SOX18: variants seen among roughly 807,000 people sequenced by gnomAD.
SOX18 encodes SRY-box transcription factor 18.
SOX18 carries 2 observed loss-of-function variants against 9.1 expected under a neutral mutation model. The ratio of observed to expected loss-of-function variants is 0.22; its 90% CI spans 0.09 to 0.69. The LOEUF (loss-of-function observed/expected upper bound fraction) is 0.69. SOX18 is among the 30% of genes least tolerant of loss of function. SOX18 has a pLI of 0.80. For missense variants in SOX18, 542 were observed against 567.3 expected, an observed-to-expected ratio of 0.96 and a Z score of 0.45; for synonymous variants, 292 against 280.5, an observed-to-expected ratio of 1.04 and a Z score of -0.41.
Position 64,049,388 on chromosome 20 carries a change from G to T in SOX18, c.129C>A (p.Ala43=), listed in dbSNP as rs1329133071. 8 of 986,814 alleles carry T rather than the reference G, an allele frequency of 8.1e-6. No individual in the cohort carries two copies. The East Asian group carries it at 9.0e-4, about 111-fold the overall frequency. The allele number at this position is 986,814 out of a possible 1,614,324, so 61.1% of individuals were successfully genotyped here. A position where few individuals can be genotyped will look rare whatever the true frequency, so the allele number is the denominator to read the frequency against. Residue 43 remains alanine (A), a synonymous_variant, in exon 1 of 2, where the codon GCC becomes GCA. Coordinates refer to ENST00000340356, the MANE Select transcript of SOX18 (RefSeq NM_018419.3). ...RGLAAGPAAL[A]APAAPASPPS... ...GCGGCGAGGCGGGCGCGGCGGGCGC[G>T]GCGAGGGCGGCGGGGCCGGCGGCGA...
intron 1 of SOX18, 89 bp downstream of exon 1, chr20:64,049,070 G>A (rs1307996906): frequency 4.7e-6 from 5 of 1,069,180 alleles, no homozygotes; most frequent in East Asian, 7.9e-5. Context: ...CCCGCACCCC[G>A]CGGCCCGGGA....
At position 64,048,708 on chromosome 20, in the gene SOX18, C is replaced by A; in HGVS notation, c.613G>T (p.Ala205Ser). The change falls in exon 2 of 2, where the codon GCC (alanine) becomes TCC (serine). Residue 205 changes from alanine to serine, a missense_variant. By Grantham distance (99) the Ala-to-Ser change is moderately conservative (BLOSUM62 1). Transcript: ENST00000340356. ...GGCAGCCCCAGGCCGTCGAACTCGG[C>A]GCCCAGCGGGGGCAGCTCGCGGAAG... Reference protein sequence around the residue: ...RAFRELPPLGAEFDGLGLPTP... With the variant: ...RAFRELPPLGSEFDGLGLPTP... 7.3e-7 allele frequency: 1 copy of A among 1,361,578 alleles called. No homozygotes were observed. Among genetic ancestry groups the A allele is most frequent in the Non-Finnish European group, 9.4e-7 (1 of 1,066,130 alleles). The allele number at this position is 1,361,578 out of a possible 1,614,324, so 84.3% of individuals were successfully genotyped here.
At position 64,049,180 on chromosome 20, in the gene SOX18, C is replaced by T; in HGVS notation, c.337G>A (p.Ala113Thr). ...TCACCCAGCATCTTGCTGAGCACCG[C>T]GTTGTGCAGGTCCGGGTTCTGCTGA... Reference protein sequence around the residue: ...LAQQNPDLHNAVLSKMLGKAW... With the variant: ...LAQQNPDLHNTVLSKMLGKAW... Residue 113 changes from alanine to threonine, a missense_variant, in exon 1 of 2, where the codon GCG becomes ACG. By Grantham distance (58) the Ala-to-Thr change is moderately conservative. Coordinates refer to ENST00000340356, the MANE Select transcript of SOX18 (RefSeq NM_018419.3). 1.3e-6 allele frequency: 2 copies of T among 1,492,168 alleles called. No homozygotes were observed. Among genetic ancestry groups the T allele is most frequent in the Non-Finnish European group, 1.8e-6 (2 of 1,113,042 alleles). The allele number at this position is 1,492,168 out of a possible 1,614,324, so 92.4% of individuals were successfully genotyped here.
chr20:64,048,153 C>A lies in SOX18; in HGVS notation c.*13G>T. On this transcript the variant is annotated 3_prime_UTR_variant, in exon 2 of 2. Transcript: ENST00000340356. ...GGAGGAAGCGCTGCAGGGACCCGGG[C>A]GGCGCCGGCGGCCTAGCCGGAGATG... 1 of 1,537,810 alleles carries A rather than the reference C, an allele frequency of 6.5e-7. No individual in the cohort carries two copies. Among genetic ancestry groups the A allele is most frequent in the East Asian group, 2.4e-5 (1 of 41,204 alleles).
In SOX18 at chr20:64,048,765, G is replaced by C. The variant is rs992415749; in HGVS notation, c.556C>G (p.Pro186Ala). The change falls in exon 2 of 2, where the codon CCT (proline) becomes GCT (alanine). Residue 186 changes from proline to alanine, a missense_variant. Pro to Ala is a conservative substitution (Grantham distance 27). Coordinates refer to ENST00000340356, the MANE Select transcript of SOX18 (RefSeq NM_018419.3). Reference sequence around the variant, plus strand: ...GCCGAGCCAGACGCCGCGGGGAAAGGCTCGGGCGGTGGCTGCGGGGGCGCT... The same window carrying C: ...GCCGAGCCAGACGCCGCGGGGAAAGCCTCGGGCGGTGGCTGCGGGGGCGCT... ...GLAPPQPPPE[P>A]FPAASGSARA... The C allele has an allele frequency of 6.7e-7, 1 of 1,488,528 alleles. No individual in the cohort carries two copies. Among genetic ancestry groups the C allele is most frequent in the African/African-American group, 1.5e-5 (1 of 68,568 alleles). 92.2% of individuals were successfully genotyped at this position (1,488,528 alleles called of 1,614,324 possible).
rs1198995286 is a variant in SOX18, at chr20:64,047,891, G to C, written c.*275C>G. 1 of 545,272 alleles carries C rather than the reference G, an allele frequency of 1.8e-6. No individual in the cohort carries two copies. The highest frequency in any genetic ancestry group is 3.3e-6 in the Non-Finnish European group (1 of 306,790). The allele number at this position is 545,272 out of a possible 1,614,324, so 33.8% of individuals were successfully genotyped here. A position where few individuals can be genotyped will look rare whatever the true frequency, so the allele number is the denominator to read the frequency against. ...TGTAACCCTGGCAACTCTGCCAACA[G>C]GTCCTGGGCTCGGGCTTCCTGGAAA... On this transcript the variant is annotated 3_prime_UTR_variant, in exon 2 of 2. Transcript: ENST00000340356.
rs772645789 is a variant in SOX18, at chr20:64,048,826, G to T, written c.495C>A (p.Ala165=). Residue 165 remains alanine (A), a synonymous_variant, in exon 2 of 2, where the codon GCC becomes GCA. Coordinates refer to ENST00000340356, the MANE Select transcript of SOX18 (RefSeq NM_018419.3). Reference sequence around the variant, plus strand: ...GCAGGAGGCCGGGCTCCAGCCGCCGGGCCTTGCGCGCCTGCTTCTTGCGGC... The same window carrying T: ...GCAGGAGGCCGGGCTCCAGCCGCCGTGCCTTGCGCGCCTGCTTCTTGCGGC... ...RPRRKKQARK[A]RRLEPGLLLP... is the part of the protein sequence containing the mutation. 1 of 1,569,684 alleles carries T rather than the reference G, an allele frequency of 6.4e-7. No individual in the cohort carries two copies. The highest frequency in any genetic ancestry group is 1.1e-5 in the South Asian group (1 of 87,774).
rs1362632008 is a variant in SOX18, at chr20:64,048,346, G to A, written c.975C>T (p.Thr325=). Residue 325 remains threonine, a synonymous_variant, in exon 2 of 2, where the codon ACC becomes ACT. Transcript: ENST00000340356. ...AADLWADVDL[T]EFDQYLNCSR... ...TGCAGTTGAGGTACTGGTCGAACTC[G>A]GTGAGGTCCACGTCGGCCCACAGAT... The A allele has an allele frequency of 2.5e-6, 4 of 1,589,060 alleles. No individual in the cohort carries two copies. Among genetic ancestry groups the A allele is most frequent in the Admixed American group, 3.5e-5 (2 of 57,228 alleles).
intron 1 of SOX18, 94 bp downstream of exon 1, chr20:64,049,065 A>AC: frequency 8.1e-7 from 1 of 1,232,122 alleles, no homozygotes; most frequent in Non-Finnish European, 1.0e-6. Context: ...CAGCCCCCGC[A>AC]CCCCGCGGCC....
Position 64,048,450 on chromosome 20 carries a change from C to G in SOX18, c.871G>C (p.Gly291Arg), listed in dbSNP as rs2059407517. 3 of 1,344,460 alleles carry G rather than the reference C, an allele frequency of 2.2e-6. No individual in the cohort carries two copies. The highest frequency in any genetic ancestry group is 4.0e-5 in the Admixed American group (1 of 24,766). The allele number at this position is 1,344,460 out of a possible 1,614,324, so 83.3% of individuals were successfully genotyped here. ...GLYYGTLGTP[G>R]PYPGPLSPPP... ...GGCGACAGCGGGCCGGGGTACGGGC[C>G]GGGCGTGCCCAGGGTGCCGTAGTAC... is the stretch of plus-strand genomic sequence containing the variant. The change falls in exon 2 of 2, where the codon GGC becomes CGC. Residue 291 changes from glycine to arginine, a missense_variant. Physicochemically the swap from Gly to Arg is moderately radical, Grantham distance 125 (BLOSUM62 -2). Transcript: ENST00000340356.
Position 64,049,635 on chromosome 20 carries a change from G to A in SOX18, c.-119C>T. ...GGGAGGGCGGATGGCGGTGGGGACG[G>A]CGGTGGCCTCGGGCCGGGCGGGCGC... On this transcript the variant is annotated 5_prime_UTR_variant, in exon 1 of 2. Coordinates refer to ENST00000340356, the MANE Select transcript of SOX18 (RefSeq NM_018419.3). 1 of 590,206 alleles carries A rather than the reference G, an allele frequency of 1.7e-6. No homozygotes were observed. The highest frequency in any genetic ancestry group is 7.1e-5 in the South Asian group (1 of 14,168). 36.6% of individuals were successfully genotyped at this position (590,206 alleles called of 1,614,324 possible).
Position 64,048,755 on chromosome 20 carries a change from G to T in SOX18, c.566C>A (p.Ala189Glu). The change falls in exon 2 of 2, where the codon GCG becomes GAG. Residue 189 changes from alanine (A) to glutamate (E), a missense_variant. Physicochemically the swap from Ala to Glu is moderately radical, Grantham distance 107. Transcript: ENST00000340356. ...GAAGGCGCGAGCCGAGCCAGACGCC[G>T]CGGGGAAAGGCTCGGGCGGTGGCTG... is the stretch of plus-strand genomic sequence containing the variant. ...PPQPPPEPFPAASGSARAFRE... is the reference protein window; with the variant it reads ...PPQPPPEPFPEASGSARAFRE... 1 of 1,457,880 alleles carries T rather than the reference G, an allele frequency of 6.9e-7. No individual in the cohort carries two copies. Among genetic ancestry groups the T allele is most frequent in the South Asian group, 1.3e-5 (1 of 75,618 alleles). 90.3% of individuals were successfully genotyped at this position (1,457,880 alleles called of 1,614,324 possible). A position where few individuals can be genotyped will look rare whatever the true frequency, so the allele number is the denominator to read the frequency against.
chr20:64,048,495 CG>C lies in SOX18; in HGVS notation c.825del (p.Ala276ArgfsTer90). 2 of 1,229,138 alleles carry C rather than the reference CG, an allele frequency of 1.6e-6. No individual in the cohort carries two copies. Among genetic ancestry groups the C allele is most frequent in the East Asian group, 3.4e-5 (1 of 29,122 alleles). The allele number at this position is 1,229,138 out of a possible 1,614,324, so 76.1% of individuals were successfully genotyped here. Reference protein sequence around the residue: ...PLAEALRTAPPAAPLAGLYYG... With the variant: ...PLAEALRTAPXAAPLAGLYYG... The stretch of plus-strand genomic sequence containing the variant: ...TAGTACAGGCCAGCGAGCGGCGCCG[CG>C]GGGGGCGCGGTCCTGAGCGCCTCCG... On this transcript the variant is annotated frameshift_variant, in exon 2 of 2. Transcript: ENST00000340356. LOFTEE classifies it low-confidence loss of function (END_TRUNC).
In SOX18 at chr20:64,048,626, G is replaced by A; in HGVS notation, c.695C>T (p.Pro232Leu). Residue 232 changes from proline (P) to leucine (L), a missense_variant, in exon 2 of 2, where the codon CCA becomes CTA. Physicochemically the swap from Pro to Leu is moderately conservative, Grantham distance 98. Coordinates refer to ENST00000340356, the MANE Select transcript of SOX18 (RefSeq NM_018419.3). ...GLEPGEAAFFPPPAAPEDCAL... is the reference protein window; with the variant it reads ...GLEPGEAAFFLPPAAPEDCAL... The stretch of plus-strand genomic sequence containing the variant: ...GCAGTCCTCGGGCGCCGCGGGCGGT[G>A]GGAAGAAGGCAGCCTCGCCGGGCTC... 1 of 1,256,028 alleles carries A rather than the reference G, an allele frequency of 8.0e-7. No individual in the cohort carries two copies. The highest frequency in any genetic ancestry group is 1.0e-6 in the Non-Finnish European group (1 of 1,003,818). The allele number at this position is 1,256,028 out of a possible 1,614,324, so 77.8% of individuals were successfully genotyped here. A position where few individuals can be genotyped will look rare whatever the true frequency, so the allele number is the denominator to read the frequency against.
chr20:64,049,066 C>A (rs559536004), intron 1 of SOX18, 93 bp downstream of exon 1: 2 of 1,322,530 alleles, frequency 1.5e-6, no homozygotes, highest in Non-Finnish European at 1.9e-6. Flanking sequence ...AGCCCCCGCA[C>A]CCCGCGGCCC....
rs910394260 is a variant in SOX18 at position 64,048,848 on chromosome 20, C to A, written c.473G>T (p.Arg158Leu). 1 of 1,583,116 alleles carries A rather than the reference C, an allele frequency of 6.3e-7. No homozygotes were observed. Among genetic ancestry groups the A allele is most frequent in the Non-Finnish European group, 8.5e-7 (1 of 1,170,986 alleles). Residue 158 changes from arginine to leucine, a missense_variant, in exon 2 of 2, where the codon CGC becomes CTC. Transcript: ENST00000340356. ...DHPNYKYRPR[R>L]KKQARKARRL... ...CCGGGCCTTGCGCGCCTGCTTCTTG[C>A]GGCGCGGCCGGTACTTGTAGTTGGG...
chr20:64,049,065 ACCCCGCGGCCCGGGACCCCTGCC>A, intron 1 of SOX18, 71 bp downstream of exon 1: 1 of 1,232,122 alleles, frequency 8.1e-7, no homozygotes, highest in Non-Finnish European at 1.0e-6. Context: ...CAGCCCCCGC[ACCCCGCGGCCCGGGACCCCTGCC>A]CCCCCCGCCC....
At position 64,048,248 on chromosome 20, in the gene SOX18, G is replaced by C. The variant is rs1368728053; in HGVS notation, c.1073C>G (p.Ser358Cys). ...GATCAGGCTGCTCTCCTCTGGGCAG[G>C]ACATGGCGCGCGGGCCCAGTTTGGC... ...ALAKLGPRAM[S>C]CPEESSLISA... The change falls in exon 2 of 2, where the codon TCC (serine) becomes TGC (cysteine). Residue 358 changes from serine to cysteine, a missense_variant. Coordinates refer to ENST00000340356, the MANE Select transcript of SOX18 (RefSeq NM_018419.3). 6.3e-7 allele frequency: 1 copy of C among 1,592,960 alleles called. No homozygotes were observed. The highest frequency in any genetic ancestry group is 1.7e-5 in the Admixed American group (1 of 57,566).
At position 64,048,621 on chromosome 20, in the gene SOX18, G is replaced by T. The variant is rs1288990626; in HGVS notation, c.700C>A (p.Pro234Thr). The T allele has an allele frequency of 3.3e-5, 41 of 1,254,518 alleles. No homozygotes were observed. The highest frequency in any genetic ancestry group is 4.1e-5 in the Non-Finnish European group (41 of 1,002,972). The allele number at this position is 1,254,518 out of a possible 1,614,324, so 77.7% of individuals were successfully genotyped here. Reference sequence around the variant, plus strand: ...AGCGCGCAGTCCTCGGGCGCCGCGGGCGGTGGGAAGAAGGCAGCCTCGCCG... The same window carrying T: ...AGCGCGCAGTCCTCGGGCGCCGCGGTCGGTGGGAAGAAGGCAGCCTCGCCG... ...EPGEAAFFPP[P>T]AAPEDCALRP... is the part of the protein sequence containing the mutation. The change falls in exon 2 of 2, where the codon CCC becomes ACC. Residue 234 changes from proline (P) to threonine (T), a missense_variant. By Grantham distance (38) the Pro-to-Thr change is conservative (BLOSUM62 -1). Transcript: ENST00000340356.
Sources: gnomAD v4.1 joint callset for allele counts on GRCh38, gnomAD v4.1.1 for gene constraint, MANE v1.5 for transcripts, NCBI Gene and HGNC (gene_info 2026-07-23, HGNC 2026-07-21) for gene names.